Variants in C14orf132 observed in about 807,000 individuals in gnomAD.
C14orf132 encodes uncharacterized protein C14orf132.
C14orf132 carries 6 observed loss-of-function variants against 5.8 expected under a neutral mutation model. The ratio of observed to expected loss-of-function variants is 1.03; its 90% CI spans 0.57 to 2.04. The LOEUF (loss-of-function observed/expected upper bound fraction) is 2.04, where lower values mean the gene tolerates loss of function less well. Ranked by LOEUF, C14orf132 falls within the 30% of genes most tolerant of loss-of-function variation. The pLI is 0.00. For missense variants in C14orf132, 125 were observed against 115.8 expected, an observed-to-expected ratio of 1.08 and a Z score of -0.37; for synonymous variants, 51 against 49.8, an observed-to-expected ratio of 1.02 and a Z score of -0.10.
chr14:96,075,518 T>G (rs1887836404), intron 1 of C14orf132, among the ~76,000 whole-genome samples: 1 of 152,194 alleles, frequency 6.6e-6, no homozygotes, highest in South Asian at 2.1e-4. Flanking sequence ...AAGCATTCAC[T>G]CTTTCACCAT....
At chr14:96,073,356 C>T (rs1429489385) in intron 1 of C14orf132, among the ~76,000 whole-genome samples, 1 of 152,100 alleles carries the variant, frequency 6.6e-6, no homozygotes, top group Non-Finnish European at 1.5e-5. Context: ...TTTCCAGCCT[C>T]ATTAAAAAGT....
intron 1 of C14orf132, among the ~76,000 whole-genome samples, chr14:96,048,429 G>A (rs903394414): frequency 1.3e-5 from 2 of 152,110 alleles, no homozygotes; most frequent in Non-Finnish European, 2.9e-5. Flanking sequence ...ATCATAGTTG[G>A]AATTATTCAG....
At chr14:96,058,813 G>A (rs1887259714) in intron 1 of C14orf132, among the ~76,000 whole-genome samples, 1 of 152,226 alleles carries the variant, frequency 6.6e-6, no homozygotes, top group African/African-American at 2.4e-5. Flanking sequence ...CCACTGGCAG[G>A]GCTGGGAACA....
intron 1 of C14orf132, among the ~76,000 whole-genome samples, chr14:96,058,991 G>A (rs934782209): frequency 6.6e-6 from 1 of 152,256 alleles, no homozygotes; most frequent in Non-Finnish European, 1.5e-5. Context: ...GCTGGGCGCA[G>A]TGGCTCATGC....
At position 96,039,399 on chromosome 14, in the gene C14orf132, C is replaced by T. The variant is rs1886619604; in HGVS notation, c.-102C>T. 7 of 1,241,272 alleles carry T rather than the reference C, an allele frequency of 5.6e-6. No homozygotes were observed. Among genetic ancestry groups the T allele is most frequent in the Non-Finnish European group, 5.3e-6 (5 of 945,408 alleles). The allele number at this position is 1,241,272 out of a possible 1,614,324, so 76.9% of individuals were successfully genotyped here. On this transcript the variant is annotated 5_prime_UTR_variant, in exon 1 of 2. Coordinates refer to ENST00000555004, the MANE Select transcript of C14orf132 (RefSeq NM_001252507.3). The surrounding 1 kb of genome is among the most constrained non-coding windows in gnomAD (Gnocchi z 5.3). ...ACAGCCGAGTGCGCCGTGCGGTCTC[C>T]GGACGCTCGCTGCTCAGCCCGATCC...
At chr14:96,069,590 G>T (rs1197852875) in intron 1 of C14orf132, among the ~76,000 whole-genome samples, 1 of 152,088 alleles carries the variant, frequency 6.6e-6, no homozygotes, top group Admixed American at 6.5e-5. Context: ...TGGAGCTGGC[G>T]CAGTCAGCCT....
At chr14:96,049,200 AG>A in intron 1 of C14orf132, among the ~76,000 whole-genome samples, 1 of 152,196 alleles carries the variant, frequency 6.6e-6, no homozygotes, top group East Asian at 1.9e-4. Flanking sequence ...GATCACCTGA[AG>A]TTTTGGCAAT....
chr14:96,049,862 TCTG>T, intron 1 of C14orf132, among the ~76,000 whole-genome samples: 2 of 151,470 alleles, frequency 1.3e-5, no homozygotes, highest in Middle Eastern at 6.8e-3. Flanking sequence ...CAATATCTAA[TCTG>T]CTATTAATAA....
intron 1 of C14orf132, among the ~76,000 whole-genome samples, chr14:96,081,300 C>T (rs186097121): frequency 6.6e-6 from 1 of 152,344 alleles, no homozygotes; most frequent in East Asian, 1.9e-4. Context: ...CTCCCAGCAG[C>T]CCCCTTCTAT....
intron 1 of C14orf132, among the ~76,000 whole-genome samples, chr14:96,040,519 A>G (rs4900304): frequency 0.55 from 82,824 of 151,960 alleles, 23,113 homozygotes; most frequent in East Asian, 0.72. Flanking sequence ...TTTCTTTTAC[A>G]GGGAACGAAG....
chr14:96,080,749 C>T (rs184913721), intron 1 of C14orf132, among the ~76,000 whole-genome samples: 4 of 152,272 alleles, frequency 2.6e-5, no homozygotes, highest in Admixed American at 2.6e-4. Flanking sequence ...CCATTTTCCA[C>T]AATGGCCCGG....
chr14:96,069,788 G>T (rs149106336), intron 1 of C14orf132, among the ~76,000 whole-genome samples: 61 of 152,328 alleles, frequency 4.0e-4, no homozygotes, highest in Middle Eastern at 6.8e-3. Flanking sequence ...ACCTCAACAT[G>T]TATTATTTTG....
Position 96,091,920 on chromosome 14 carries a change from C to T in C14orf132, c.*5185C>T. ...ACCTTCTCATTCCCAGCGCGTCCTT[C>T]TGAGCTCAGACCTTGAGCATTTACT... On this transcript the variant is annotated 3_prime_UTR_variant, in exon 2 of 2. Coordinates refer to ENST00000555004, the MANE Select transcript of C14orf132 (RefSeq NM_001252507.3). 6.6e-6 allele frequency: 1 copy of T among 152,248 alleles called. No individual in the cohort carries two copies. The highest frequency in any genetic ancestry group is 1.5e-5 in the Non-Finnish European group (1 of 68,050). The allele number at this position is 152,248 out of a possible 1,614,324, so 9.4% of individuals were successfully genotyped here.
At chr14:96,048,482 A>G (rs1886896087) in intron 1 of C14orf132, among the ~76,000 whole-genome samples, 1 of 152,004 alleles carries the variant, frequency 6.6e-6, no homozygotes, top group Non-Finnish European at 1.5e-5. Context: ...AGTAATATGC[A>G]CCTAAGGCTT....
rs1291736234 is a variant in C14orf132, at chr14:96,086,628, G to A, written c.145G>A (p.Glu49Lys). ...GGCTGCCAATGGCCAGGGCCAGCCG[G>A]AAGATCCTCCTCGGTCCTCCAACGA... ...HAAANGQGQP[E>K]DPPRSSNDAV... The change falls in exon 2 of 2, where the codon GAA becomes AAA. Residue 49 changes from glutamate (E) to lysine (K), a missense_variant. Transcript: ENST00000555004. The A allele has an allele frequency of 6.5e-7, 1 of 1,536,158 alleles. No homozygotes were observed. The highest frequency in any genetic ancestry group is 8.7e-7 in the Non-Finnish European group (1 of 1,146,916).
At chr14:96,079,134 G>T (rs1887960094) in intron 1 of C14orf132, among the ~76,000 whole-genome samples, 1 of 152,200 alleles carries the variant, frequency 6.6e-6, no homozygotes, top group Admixed American at 6.5e-5. Flanking sequence ...GAGTCATGGG[G>T]CCAGGCAGCA....
At chr14:96,083,923 A>G (rs1888104414) in intron 1 of C14orf132, among the ~76,000 whole-genome samples, 1 of 152,206 alleles carries the variant, frequency 6.6e-6, no homozygotes, top group African/African-American at 2.4e-5. Flanking sequence ...TGTTAGGAAT[A>G]CAGGTGCCGA....
At chr14:96,069,644 C>T (rs576080512) in intron 1 of C14orf132, among the ~76,000 whole-genome samples, 2 of 151,368 alleles carry the variant, frequency 1.3e-5, no homozygotes, top group South Asian at 4.1e-4. Context: ...CCTGCACTGG[C>T]TTCAAAGGCC....
chr14:96,064,144 G>A lies in C14orf132; in HGVS notation c.28-22367G>A, dbSNP rs188565037. Among the ~76,000 whole-genome samples, 19 of 152,180 alleles carry A rather than the reference G, an allele frequency of 1.2e-4. 1 individual carries two copies. The highest frequency in any genetic ancestry group is 4.3e-4 in the African/African-American group (18 of 41,484). ...AATGTAAACTAGTACAGCCACTATG[G>A]AAAACAGTGTGGAGATTCCTTAAAG... On this transcript the variant is annotated intron_variant, in intron 1 of 1. Transcript: ENST00000555004.
Sources: gnomAD v4.1 joint callset for allele counts (sites outside exome capture counted in the v4.1 genomes callset) on GRCh38, gnomAD v4.1.1 for gene constraint, Gnocchi (gnomAD v3.1) non-coding constraint, MANE v1.5 for transcripts, NCBI Gene and HGNC (gene_info 2026-07-23, HGNC 2026-07-21) for gene names.